Variants in TERT observed in about 807,000 individuals in gnomAD.
TERT encodes the protein telomerase reverse transcriptase, also known as telomerase catalytic subunit.
Under a neutral mutation model 104.0 loss-of-function variants are expected in TERT, and 42 were observed. The ratio of observed to expected loss-of-function variants is 0.40; its 90% CI spans 0.32 to 0.52. The LOEUF is 0.52. TERT is among the 20% of genes least tolerant of loss of function. The pLI, the probability that TERT is intolerant of heterozygous loss-of-function variation, is 0.43. For missense variants in TERT, 1,101 were observed against 1,610.3 expected, an observed-to-expected ratio of 0.68 and a Z score of 5.41; for synonymous variants, 781 against 725.6, an observed-to-expected ratio of 1.08 and a Z score of -1.23.
In TERT at chr5:1,269,567, C is replaced by T. The variant is rs1052689462; in HGVS notation, c.2469-934G>A. On this transcript the variant is annotated intron_variant, in intron 8 of 15. Transcript: ENST00000310581. This position sits in a 1 kb window ranked among gnomAD's most constrained non-coding sequence, Gnocchi z 9.0. ...CGGAGGTTGCAGTGAGTTGAGATCG[C>T]GCCACTGCACTCAAGCCCAGGCAGA... Among the ~76,000 whole-genome samples the T allele has an allele frequency of 7.9e-5, 12 of 151,092 alleles. No homozygotes were observed. The highest frequency in any genetic ancestry group is 3.9e-4 in the East Asian group (2 of 5,152).
intron 6 of TERT, among the ~76,000 whole-genome samples, chr5:1,272,516 T>TAC (rs1749127396): frequency 6.8e-6 from 1 of 146,386 alleles, no homozygotes; most frequent in African/African-American, 2.7e-5. Context: ...CAGACCCCTG[T>TAC]GACCGATCAC....
rs959841796 is a variant in TERT at position 1,288,180 on chromosome 5, T to C, written c.1573+5133A>G. Among the ~76,000 whole-genome samples, 1 of 152,090 alleles carries C rather than the reference T, an allele frequency of 6.6e-6. No individual in the cohort carries two copies. Among genetic ancestry groups the C allele is most frequent in the African/African-American group, 2.4e-5 (1 of 41,384 alleles). ...AAAGAAAAAAATCACAGAATAAGAA[T>C]ACTTAAAAGAAGTATTAACACTTTG... On this transcript the variant is annotated intron_variant, in intron 2 of 15. Coordinates refer to ENST00000310581, the MANE Select transcript of TERT (RefSeq NM_198253.3). The surrounding 1 kb of genome is among the most constrained non-coding windows in gnomAD (Gnocchi z 5.3).
chr5:1,281,549 C>T (rs1446072502), intron 3 of TERT, among the ~76,000 whole-genome samples: 2 of 152,224 alleles, frequency 1.3e-5, no homozygotes, highest in Non-Finnish European at 2.9e-5. Flanking sequence ...GCTCCCGTCC[C>T]TCACTGATGC....
chr5:1,280,129 A>C (rs1179711215), intron 4 of TERT, 29 bp downstream of exon 4: 14 of 1,613,634 alleles, frequency 8.7e-6, no homozygotes, highest in African/African-American at 1.3e-5. Context: ...CTTCTGTTTA[A>C]AAAGGAAGTT....
chr5:1,264,336 C>T (rs1414608455), intron 11 of TERT, 68 bp downstream of exon 11: 15 of 1,506,432 alleles, frequency 1.0e-5, no homozygotes, highest in African/African-American at 5.5e-5. Context: ...CAGAGGTGGA[C>T]GCAACGGCCC....
chr5:1,275,340 C>T (rs1489223749), intron 6 of TERT, among the ~76,000 whole-genome samples: 1 of 150,600 alleles, frequency 6.6e-6, no homozygotes, highest in Non-Finnish European at 1.5e-5. Flanking sequence ...CGCCAAACCA[C>T]TCCAGCCTGG....
In TERT at chr5:1,274,440, A is replaced by G. The variant is rs1247942478; in HGVS notation, c.2287-2160T>C. On this transcript the variant is annotated intron_variant, in intron 6 of 15. Transcript: ENST00000310581. The surrounding 1 kb of genome is among the most constrained non-coding windows in gnomAD (Gnocchi z 5.3). ...GGTCTTTAGCACAGGGTCCCCAACC[A>G]TTGTGGTACCAGGGACTGGTTTCGT... 1.3e-5 allele frequency among the ~76,000 whole-genome samples: 2 copies of G among 152,252 alleles called. No homozygotes were observed. Among genetic ancestry groups the G allele is most frequent in the Non-Finnish European group, 2.9e-5 (2 of 68,036 alleles).
Position 1,274,165 on chromosome 5 carries a change from C to A in TERT, c.2287-1885G>T, listed in dbSNP as rs1207366941. Among the ~76,000 whole-genome samples the A allele has an allele frequency of 1.3e-5, 2 of 152,216 alleles. No homozygotes were observed. Among genetic ancestry groups the A allele is most frequent in the Non-Finnish European group, 2.9e-5 (2 of 68,040 alleles). ...TCTGTGCTTCAGCATGTTCCCCAGC[C>A]CCCAGGAGCTGGCGGCAGGGCCGTG... On this transcript the variant is annotated intron_variant, in intron 6 of 15. Coordinates refer to ENST00000310581, the MANE Select transcript of TERT (RefSeq NM_198253.3). The surrounding 1 kb of genome is among the most constrained non-coding windows in gnomAD (Gnocchi z 5.3).
intron 12 of TERT, 71 bp downstream of exon 12, chr5:1,260,403 C>G: frequency 1.3e-6 from 2 of 1,594,962 alleles, no homozygotes; most frequent in Admixed American, 3.4e-5. Flanking sequence ...CACGCGCGCA[C>G]ACACACACAC....
chr5:1,293,977 G>A lies in TERT; in HGVS notation c.909C>T (p.His303=), dbSNP rs1327284606. Residue 303 remains histidine (H), a synonymous_variant, in exon 2 of 16, where the codon CAC becomes CAT. Transcript: ENST00000310581. ...RHSHPSVGRQ[H]HAGPPSTSRP... ...GCGATGTGGATGGGGGGCCCGCGTG[G>A]TGCTGGCGGCCCACGGATGGGTGGG... 6.4e-7 allele frequency: 1 copy of A among 1,565,356 alleles called. No individual in the cohort carries two copies. The highest frequency in any genetic ancestry group is 2.4e-5 in the East Asian group (1 of 41,612).
At chr5:1,279,950 C>T (rs1316240766) in intron 4 of TERT, among the ~76,000 whole-genome samples, 2 of 152,220 alleles carry the variant, frequency 1.3e-5, no homozygotes. Flanking sequence ...GTCCCTGCCC[C>T]AGGAGCTCCC....
rs1229060875 is a variant in TERT, at chr5:1,262,800, G to A, written c.2843+1604C>T. 6.6e-6 allele frequency among the ~76,000 whole-genome samples: 1 copy of A among 152,230 alleles called. No homozygotes were observed. The highest frequency in any genetic ancestry group is 1.5e-5 in the Non-Finnish European group (1 of 68,048). On this transcript the variant is annotated intron_variant, in intron 11 of 15. Coordinates refer to ENST00000310581, the MANE Select transcript of TERT (RefSeq NM_198253.3). This position sits in a 1 kb window ranked among gnomAD's most constrained non-coding sequence, Gnocchi z 5.6. The stretch of plus-strand genomic sequence containing the variant: ...GCTGTGCCAGAGGCTGGAACCAGGG[G>A]TGCCTGTCCTAAAAAATACATTTCA...
intron 6 of TERT, among the ~76,000 whole-genome samples, chr5:1,275,637 T>G (rs969708896): frequency 1.3e-5 from 2 of 152,078 alleles, no homozygotes; most frequent in African/African-American, 4.8e-5. Context: ...TATGGTCTCC[T>G]CAATAAAGCT....
At chr5:1,266,337 C>G in intron 10 of TERT, 127 bp downstream of exon 10, 1 of 933,738 alleles carries the variant, frequency 1.1e-6, no homozygotes, top group Non-Finnish European at 1.7e-6. Flanking sequence ...TCTTGCGGAT[C>G]CAGCACCGGC....
intron 2 of TERT, 40 bp from the exon 3 acceptor site, chr5:1,282,664 G>A: frequency 3.1e-6 from 5 of 1,602,240 alleles, no homozygotes; most frequent in Non-Finnish European, 4.3e-6. Context: ...ATCACCGAGG[G>A]CCTGGTGACC....
Position 1,293,564 on chromosome 5 carries a change from T to G in TERT, c.1322A>C (p.Glu441Ala). 1.3e-6 allele frequency: 2 copies of G among 1,545,804 alleles called. No individual in the cohort carries two copies. The highest frequency in any genetic ancestry group is 2.4e-5 in the South Asian group (2 of 84,088). Residue 441 changes from glutamate (E) to alanine (A), a missense_variant, in exon 2 of 16, where the codon GAG becomes GCG. Glu to Ala is a moderately radical substitution (Grantham distance 107). Coordinates refer to ENST00000310581, the MANE Select transcript of TERT (RefSeq NM_198253.3). ...CACCAGGCGACGGGGGTCTGTGTCCTCCTCCTCGGGGGCCGCCACAGAGCC... is the reference window on the plus strand; with the variant it reads ...CACCAGGCGACGGGGGTCTGTGTCCGCCTCCTCGGGGGCCGCCACAGAGCC... ...PQGSVAAPEE[E>A]DTDPRRLVQL...
Position 1,292,440 on chromosome 5 carries a change from A to G in TERT, c.1573+873T>C, listed in dbSNP as rs1284774154. ...TCCCATGTGGCCCTCTTCATACCTA[A>G]AGATGGGACCAGGATCTGTGCTGGA... On this transcript the variant is annotated intron_variant, in intron 2 of 15. Coordinates refer to ENST00000310581, the MANE Select transcript of TERT (RefSeq NM_198253.3). This position sits in a 1 kb window ranked among gnomAD's most constrained non-coding sequence, Gnocchi z 5.5. Among the ~76,000 whole-genome samples the G allele has an allele frequency of 6.6e-6, 1 of 152,116 alleles. No individual in the cohort carries two copies. Among genetic ancestry groups the G allele is most frequent in the African/African-American group, 2.4e-5 (1 of 41,422 alleles).
chr5:1,267,480 C>T (rs1748692041), intron 9 of TERT, among the ~76,000 whole-genome samples: 1 of 152,220 alleles, frequency 6.6e-6, no homozygotes, highest in African/African-American at 2.4e-5. Flanking sequence ...CATCCCATTA[C>T]TGGGTATATA....
rs377385618 is a variant in TERT, at chr5:1,278,598, A to G, written c.2286+43T>C. On this transcript the variant is annotated intron_variant, in intron 6 of 15. Coordinates refer to ENST00000310581, the MANE Select transcript of TERT (RefSeq NM_198253.3). ...TGCATTCTAGACACATTCATATCCCAGAGACACACATCCTGGACACGACTA... is the reference window on the plus strand; with the variant it reads ...TGCATTCTAGACACATTCATATCCCGGAGACACACATCCTGGACACGACTA... 6 of 1,613,514 alleles carry G rather than the reference A, an allele frequency of 3.7e-6. 1 individual carries two copies. The South Asian group carries it at 6.6e-5, about 18-fold the overall frequency.
Sources: gnomAD v4.1 joint callset for allele counts (sites outside exome capture counted in the v4.1 genomes callset) on GRCh38, gnomAD v4.1.1 for gene constraint, Gnocchi (gnomAD v3.1) non-coding constraint, MANE v1.5 for transcripts, NCBI Gene and HGNC (gene_info 2026-07-23, HGNC 2026-07-21) for gene names.